RAD51AP2: variants seen among roughly 807,000 people sequenced by gnomAD.
RAD51AP2 encodes RAD51 associated protein 2, also known as RAD51-associated protein 2.
RAD51AP2 carries 67 observed loss-of-function variants against 85.5 expected under a neutral mutation model. That is an observed-to-expected ratio of 0.78 (90% CI 0.64 to 0.96). The LOEUF (loss-of-function observed/expected upper bound fraction) is 0.96, where lower values mean the gene tolerates loss of function less well. RAD51AP2 is among the 40% of genes least tolerant of loss of function. The probability of loss-of-function intolerance (pLI) is 0.00; values close to 1 mark genes in which losing one functional copy is unlikely to be tolerated. For synonymous variants in RAD51AP2, 474 were observed against 446.5 expected (o/e 1.06, Z -0.78); for missense variants, 1,307 against 1,332.4 (o/e 0.98, Z 0.30).
the RAD51AP2 span, among the ~76,000 whole-genome samples, chr2:17,526,068 T>C: frequency 3.3e-5 from 5 of 151,768 alleles, no homozygotes; most frequent in African/African-American, 9.7e-5. Flanking sequence ...ATTATGATAT[T>C]ATATATTATA....
At chr2:17,524,567 T>C in the RAD51AP2 span, among the ~76,000 whole-genome samples, 1 of 151,964 alleles carries the variant, frequency 6.6e-6, no homozygotes, top group African/African-American at 2.4e-5. Flanking sequence ...TTTATTTCCA[T>C]ACTAATCAAT....
chr2:17,518,301 C>T lies in RAD51AP2; in HGVS notation c.115G>A (p.Glu39Lys), dbSNP rs754179925. 1.2e-6 allele frequency: 2 copies of T among 1,614,176 alleles called. No individual in the cohort carries two copies. Among genetic ancestry groups the T allele is most frequent in the Non-Finnish European group, 1.7e-6 (2 of 1,180,014 alleles). Residue 39 changes from glutamate (E) to lysine (K), a missense_variant, in exon 1 of 3, where the codon GAG becomes AAG. By Grantham distance (56) the Glu-to-Lys change is moderately conservative. Around this residue, in one of 3 missense-constraint regions of RAD51AP2, gnomAD observed 635 missense variants for 643.6 expected, o/e 0.99. Coordinates refer to ENST00000399080, the MANE Select transcript of RAD51AP2 (RefSeq NM_001099218.3). Reference protein sequence around the residue: ...QPPSSKRLCLEEPGGVFKAGW... With the variant: ...QPPSSKRLCLKEPGGVFKAGW... ...GCCTTAAAGACACCTCCAGGCTCCT[C>T]AAGACAGAGCCGCTTGCTACTAGGT...
chr2:17,516,568 C>T lies in RAD51AP2; in HGVS notation c.1848G>A (p.Lys616=). ...GATTTTCCACTATATTTTTTGGATA[C>T]TTCAAATAAAGCATGCACTTGAAAA... ...ECIFKCMLYL[K]YPKNIVENHT... Residue 616 remains lysine (K), a synonymous_variant, in exon 1 of 3, where the codon AAG becomes AAA. Transcript: ENST00000399080. 1 of 1,583,376 alleles carries T rather than the reference C, an allele frequency of 6.3e-7. No homozygotes were observed. The highest frequency in any genetic ancestry group is 8.6e-7 in the Non-Finnish European group (1 of 1,162,276).
the RAD51AP2 span, among the ~76,000 whole-genome samples, chr2:17,530,367 T>C: frequency 6.6e-6 from 1 of 152,020 alleles, no homozygotes; most frequent in Non-Finnish European, 1.5e-5. Context: ...ACAAGTTATT[T>C]TGGCAGCTTT....
the RAD51AP2 span, among the ~76,000 whole-genome samples, chr2:17,533,968 A>G: frequency 2.0e-5 from 3 of 152,208 alleles, no homozygotes; most frequent in Admixed American, 2.0e-4. Flanking sequence ...CTGAAATGAC[A>G]CAGTAAACTA....
At chr2:17,534,625 A>G in the RAD51AP2 span, among the ~76,000 whole-genome samples, 1 of 152,036 alleles carries the variant, frequency 6.6e-6, no homozygotes, top group Non-Finnish European at 1.5e-5. Context: ...CACCTATGAA[A>G]TGGGGGTAAT....
Position 17,517,171 on chromosome 2 carries a change from A to G in RAD51AP2, c.1245T>C (p.Asn415=), listed in dbSNP as rs756186191. The change falls in exon 1 of 3, where the codon AAT becomes AAC. Residue 415 remains asparagine (N), a synonymous_variant. Transcript: ENST00000399080. ...RNRGNCWIIN[N]CKTKCENMKK... Reference sequence around the variant, plus strand: ...TCATATTTTCACATTTAGTCTTGCAATTATTTATAATCCAACAATTTCCTC... The same window carrying G: ...TCATATTTTCACATTTAGTCTTGCAGTTATTTATAATCCAACAATTTCCTC... The G allele has an allele frequency of 6.2e-7, 1 of 1,609,692 alleles. No individual in the cohort carries two copies. Among genetic ancestry groups the G allele is most frequent in the African/African-American group, 1.3e-5 (1 of 74,524 alleles).
chr2:17,521,911 A>G (rs563115980), upstream of RAD51AP2, among the ~76,000 whole-genome samples: 1 of 152,022 alleles, frequency 6.6e-6, no homozygotes, highest in South Asian at 2.1e-4. Context: ...CCCTACATAG[A>G]CATTCATCAA....
the RAD51AP2 span, among the ~76,000 whole-genome samples, chr2:17,537,771 A>T: frequency 2.6e-5 from 4 of 152,256 alleles, no homozygotes; most frequent in East Asian, 7.7e-4. Flanking sequence ...TACTGTTGGT[A>T]TTGTTTGTTT....
chr2:17,516,054 T>C lies in RAD51AP2; in HGVS notation c.2362A>G (p.Asn788Asp), dbSNP rs2103309195. The C allele has an allele frequency of 6.2e-7, 1 of 1,613,840 alleles. No individual in the cohort carries two copies. Among genetic ancestry groups the C allele is most frequent in the East Asian group, 2.2e-5 (1 of 44,848 alleles). Reference protein sequence around the residue: ...DCEHIFEDLCNVRQQAIPASH... With the variant: ...DCEHIFEDLCDVRQQAIPASH... ...GCTGGTATGGCCTGTTGCCTAACATTGCAGAGATCTTCAAATATGTGCTCA... is the reference window on the plus strand; with the variant it reads ...GCTGGTATGGCCTGTTGCCTAACATCGCAGAGATCTTCAAATATGTGCTCA... The change falls in exon 1 of 3, where the codon AAT becomes GAT. Residue 788 changes from asparagine to aspartate, a missense_variant. This residue lies in a region of RAD51AP2 where 668 missense variants were observed against 671.0 expected (regional missense o/e 1.00). Transcript: ENST00000399080.
At chr2:17,518,471 G>C (rs1222709184), upstream of RAD51AP2, 3 of 1,552,640 alleles carry the variant, frequency 1.9e-6, no homozygotes, top group African/African-American at 2.7e-5. Context: ...TCCCTTAATA[G>C]GCGGTTCCGG....
chr2:17,523,052 A>T (rs1662890489), upstream of RAD51AP2, among the ~76,000 whole-genome samples: 1 of 151,876 alleles, frequency 6.6e-6, no homozygotes, highest in Non-Finnish European at 1.5e-5. Context: ...TCATTCCTTG[A>T]TGTGTAATAT....
upstream of RAD51AP2, among the ~76,000 whole-genome samples, chr2:17,519,714 TATAA>T: frequency 6.6e-6 from 1 of 152,312 alleles, no homozygotes; most frequent in Middle Eastern, 3.4e-3. Context: ...TCATTAACAC[TATAA>T]ATAAGAATGT....
Position 17,517,642 on chromosome 2 carries a change from A to G in RAD51AP2, c.774T>C (p.Ser258=). The G allele has an allele frequency of 1.9e-6, 3 of 1,614,098 alleles. No individual in the cohort carries two copies. Among genetic ancestry groups the G allele is most frequent in the East Asian group, 4.5e-5 (2 of 44,870 alleles). Reference sequence around the variant, plus strand: ...TTAAGTCCATTGGAAACTGAGGGACACTTATTGTGCCGCTATCTCTAAAAT... The same window carrying G: ...TTAAGTCCATTGGAAACTGAGGGACGCTTATTGTGCCGCTATCTCTAAAAT... The part of the protein sequence containing the change: ...PSYFRDSGTI[S]VPQFPMDLNS... The change falls in exon 1 of 3, where the codon AGT becomes AGC. Residue 258 remains serine, a synonymous_variant. Coordinates refer to ENST00000399080, the MANE Select transcript of RAD51AP2 (RefSeq NM_001099218.3).
chr2:17,511,938 G>T (rs1203586723), intron 2 of RAD51AP2, among the ~76,000 whole-genome samples: 1 of 152,092 alleles, frequency 6.6e-6, no homozygotes, highest in Non-Finnish European at 1.5e-5. Context: ...ATTATTGCTA[G>T]ATCTTTTAAA....
rs866459116 is a variant in RAD51AP2 at position 17,515,286 on chromosome 2, G to A, written c.3130C>T (p.His1044Tyr). ...TIAGPNMGKS[H>Y]QSLFKWKTVP... ...GTTTTCCATTTAAATAAACTTTGGT[G>A]ACTTTTGCCCATATTAGGACCTGCT... The change falls in exon 1 of 3, where the codon CAC becomes TAC. Residue 1044 changes from histidine (H) to tyrosine (Y), a missense_variant. By Grantham distance (83) the His-to-Tyr change is moderately conservative. This residue lies in a region of RAD51AP2 where 668 missense variants were observed against 671.0 expected (regional missense o/e 1.00). Coordinates refer to ENST00000399080, the MANE Select transcript of RAD51AP2 (RefSeq NM_001099218.3). 1.2e-6 allele frequency: 2 copies of A among 1,613,600 alleles called. No individual in the cohort carries two copies. Among genetic ancestry groups the A allele is most frequent in the South Asian group, 1.1e-5 (1 of 91,024 alleles).
intron 1 of RAD51AP2, 94 bp downstream of exon 1, chr2:17,515,075 C>T (rs1393264993): frequency 6.0e-6 from 6 of 1,005,560 alleles, no homozygotes; most frequent in Non-Finnish European, 8.5e-6. Context: ...CTCTACCTTC[C>T]TTCTTTGTTG....
chr2:17,511,482 C>T (rs1662494056), intron 2 of RAD51AP2, among the ~76,000 whole-genome samples: 1 of 152,114 alleles, frequency 6.6e-6, no homozygotes, highest in East Asian at 1.9e-4. Flanking sequence ...CAAAACAGTT[C>T]ATGGAGATAC....
Position 17,517,660 on chromosome 2 carries a change from TC to T in RAD51AP2, c.755del (p.Arg252LysfsTer6). 1 of 1,613,974 alleles carries T rather than the reference TC, an allele frequency of 6.2e-7. No homozygotes were observed. Among genetic ancestry groups the T allele is most frequent in the African/African-American group, 1.3e-5 (1 of 75,056 alleles). ...SLEIAKPSYF[R>X]DSGTISVPQF... The stretch of plus-strand genomic sequence containing the variant: ...GAGGGACACTTATTGTGCCGCTATC[TC>T]TAAAATAGCTAGGTTTGGCAATTTC... On this transcript the variant is annotated frameshift_variant, in exon 1 of 3. Coordinates refer to ENST00000399080, the MANE Select transcript of RAD51AP2 (RefSeq NM_001099218.3). LOFTEE classifies it high-confidence loss of function.
Sources: allele counts gnomAD v4.1 joint callset (sites outside exome capture counted in the v4.1 genomes callset), GRCh38; gene constraint gnomAD v4.1.1; regional missense constraint gnomAD v4.1.1; transcripts MANE v1.5; gene names NCBI Gene and HGNC (gene_info 2026-07-23, HGNC 2026-07-21).